The following OTULIN variants were observed in gnomAD, a reference collection of about 807,000 sequenced individuals.
OTULIN encodes ubiquitin thioesterase otulin.
OTULIN carries 15 observed loss-of-function variants against 39.6 expected under a neutral mutation model. The observed-to-expected ratio is 0.38, with a 90% CI of 0.25 to 0.58. The LOEUF (loss-of-function observed/expected upper bound fraction) is 0.58. Among genes scored for constraint, OTULIN ranks in the 20% least tolerant of loss-of-function variants. The pLI, the probability that OTULIN is intolerant of heterozygous loss-of-function variation, is 0.66. For synonymous variants in OTULIN, 156 were observed against 170.3 expected, an observed-to-expected ratio of 0.92 and a Z score of 0.65; for missense variants, 319 against 445.9, an observed-to-expected ratio of 0.72 and a Z score of 2.56.
In OTULIN at chr5:14,677,134, T is replaced by A. The variant is rs192670694; in HGVS notation, c.230-1547T>A. On this transcript the variant is annotated intron_variant, in intron 2 of 6. Coordinates refer to ENST00000284274, the MANE Select transcript of OTULIN (RefSeq NM_138348.6). The stretch of plus-strand genomic sequence containing the variant: ...AGTTCTTAAGAGTTTACTTAAAAAA[T>A]TTTTTTTTTAAATTTACCTAAACTG... Among the ~76,000 whole-genome samples, 1,415 of 151,380 alleles carry A rather than the reference T, an allele frequency of 9.3e-3. 19 individuals are homozygous for A. The highest frequency in any genetic ancestry group is 0.028 in the African/African-American group (1,166 of 41,270).
the OTULIN span, chr5:14,713,009 A>C: frequency 2.6e-5 from 42 of 1,589,798 alleles, no homozygotes; most frequent in East Asian, 8.8e-4. This position sits in a 1 kb window ranked among gnomAD's most constrained non-coding sequence, Gnocchi z 4.4. Flanking sequence ...TTGTCTGTTA[A>C]GGCCAAGTCA....
At chr5:14,678,609 C>A in intron 2 of OTULIN, 72 bp from the exon 3 acceptor site, 2 of 1,066,094 alleles carry the variant, frequency 1.9e-6, no homozygotes, top group South Asian at 3.6e-5. Flanking sequence ...AAGGGTAACC[C>A]CCAACTGAAG....
At chr5:14,702,930 T>A (rs1286761375), downstream of OTULIN, among the ~76,000 whole-genome samples, 1 of 152,210 alleles carries the variant, frequency 6.6e-6, no homozygotes, top group Non-Finnish European at 1.5e-5. Flanking sequence ...TGTTCATGGA[T>A]TTGTTGGCTG....
chr5:14,711,099 C>CAA, the OTULIN span: 8 of 1,135,410 alleles, frequency 7.0e-6, no homozygotes, highest in African/African-American at 4.6e-5. Context: ...CAAAACAAAA[C>CAA]AAAAAAAAGG....
At chr5:14,685,882 G>A (rs1273991715) in intron 4 of OTULIN, among the ~76,000 whole-genome samples, 2 of 152,198 alleles carry the variant, frequency 1.3e-5, no homozygotes, top group African/African-American at 4.8e-5. Context: ...GGCATGTGAG[G>A]TTCTTGTGAT....
downstream of OTULIN, among the ~76,000 whole-genome samples, chr5:14,699,943 T>C (rs1736764376): frequency 6.6e-6 from 1 of 152,222 alleles, no homozygotes; most frequent in Non-Finnish European, 1.5e-5. Flanking sequence ...CAAGTTGTCC[T>C]CTAAGTGGTG....
At chr5:14,711,095 A>C in the OTULIN span, 6 of 1,101,744 alleles carry the variant, frequency 5.4e-6, no homozygotes, top group Non-Finnish European at 7.0e-6. Context: ...TTACCAAAAC[A>C]AAACAAAAAA....
rs17363829 is a variant in OTULIN, at chr5:14,693,289, C to T, written c.*241C>T. 0.042 allele frequency: 16,712 copies of T among 396,862 alleles called. 425 individuals are homozygous for T. The highest frequency in any genetic ancestry group is 0.12 in the South Asian group (1,680 of 13,912). 24.6% of individuals were successfully genotyped at this position (396,862 alleles called of 1,614,324 possible). On this transcript the variant is annotated 3_prime_UTR_variant, in exon 7 of 7. Coordinates refer to ENST00000284274, the MANE Select transcript of OTULIN (RefSeq NM_138348.6). ...GGGCCTTCAGAGCACACCTGTTGGA[C>T]GGTGCAAACCATATCTTCTCCAGAA... is the stretch of plus-strand genomic sequence containing the variant.
chr5:14,704,531 T>C (rs1736884072), downstream of OTULIN, among the ~76,000 whole-genome samples: 1 of 152,076 alleles, frequency 6.6e-6, no homozygotes, highest in African/African-American at 2.4e-5. Context: ...GAGAAGCATT[T>C]TCATTACTGA....
At chr5:14,676,312 G>T (rs937780259) in intron 2 of OTULIN, among the ~76,000 whole-genome samples, 6 of 152,150 alleles carry the variant, frequency 3.9e-5, no homozygotes, top group African/African-American at 1.4e-4. Flanking sequence ...TGTGTAGTTT[G>T]CAACTAAAGA....
chr5:14,690,401 G>A lies in OTULIN; in HGVS notation c.864+93G>A. The A allele has an allele frequency of 5.5e-6, 8 of 1,455,850 alleles. No homozygotes were observed. The South Asian group carries it at 1.1e-4, about 20-fold the overall frequency. 90.2% of individuals were successfully genotyped at this position (1,455,850 alleles called of 1,614,324 possible). ...CAGTTTTTGTAGGTCAGAAATTCAG[G>A]GACAGCTTAGTTGGATGGTTCTGGC... On this transcript the variant is annotated intron_variant, in intron 6 of 6. Coordinates refer to ENST00000284274, the MANE Select transcript of OTULIN (RefSeq NM_138348.6). This position sits in a 1 kb window ranked among gnomAD's most constrained non-coding sequence, Gnocchi z 4.5.
intron 2 of OTULIN, among the ~76,000 whole-genome samples, chr5:14,676,881 T>C (rs190399089): frequency 6.6e-6 from 1 of 152,126 alleles, no homozygotes; most frequent in East Asian, 1.9e-4. Context: ...CAAAAAAATA[T>C]TTCTCGAATT....
rs1159278029 is a variant in OTULIN, at chr5:14,694,820, AAATT to A, written c.*1775_*1778del. On this transcript the variant is annotated 3_prime_UTR_variant, in exon 7 of 7. Coordinates refer to ENST00000284274, the MANE Select transcript of OTULIN (RefSeq NM_138348.6). ...TTGAATAAGAAGGTACCTAGAAGCC[AAATT>A]AAAGTAATAATGACTTCTTATTGGC... 1 of 152,702 alleles carries A rather than the reference AAATT, an allele frequency of 6.5e-6. No individual in the cohort carries two copies. Among genetic ancestry groups the A allele is most frequent in the Non-Finnish European group, 1.5e-5 (1 of 68,052 alleles). The allele number at this position is 152,702 out of a possible 1,614,324, so 9.5% of individuals were successfully genotyped here. A position where few individuals can be genotyped will look rare whatever the true frequency, so the allele number is the denominator to read the frequency against.
chr5:14,689,203 A>G (rs927875652), intron 5 of OTULIN, among the ~76,000 whole-genome samples: 2 of 152,216 alleles, frequency 1.3e-5, no homozygotes, highest in East Asian at 1.9e-4. Context: ...ATGATTGGCA[A>G]CTTGGTCTAG....
chr5:14,713,563 C>T, the OTULIN span: 35 of 1,614,054 alleles, frequency 2.2e-5, no homozygotes, highest in Non-Finnish European at 2.4e-5. The surrounding 1 kb of genome is among the most constrained non-coding windows in gnomAD (Gnocchi z 4.4). Flanking sequence ...GGTAGGACCA[C>T]GAGGCTGGCG....
At chr5:14,682,816 C>G (rs1736289252) in intron 4 of OTULIN, among the ~76,000 whole-genome samples, 1 of 152,118 alleles carries the variant, frequency 6.6e-6, no homozygotes, top group African/African-American at 2.4e-5. Context: ...AGTGACAGCC[C>G]CACCTTGAAC....
chr5:14,692,126 T>G (rs1384975200), intron 6 of OTULIN, among the ~76,000 whole-genome samples: 1 of 152,214 alleles, frequency 6.6e-6, no homozygotes, highest in East Asian at 1.9e-4. Flanking sequence ...GTGGAATTGC[T>G]TTAACATTTT....
chr5:14,713,478 T>G, the OTULIN span: 1 of 1,600,954 alleles, frequency 6.2e-7, no homozygotes, highest in African/African-American at 1.3e-5. This position sits in a 1 kb window ranked among gnomAD's most constrained non-coding sequence, Gnocchi z 4.4. Context: ...ATGTAGCTGT[T>G]AAACCTCTGG....
intron 3 of OTULIN, 65 bp downstream of exon 3, chr5:14,678,840 T>C (rs778290326): frequency 1.1e-4 from 118 of 1,071,698 alleles, no homozygotes; most frequent in Non-Finnish European, 1.5e-4. Flanking sequence ...GTTTAATATG[T>C]CATTTGATAT....
Sources: allele counts gnomAD v4.1 joint callset (sites outside exome capture counted in the v4.1 genomes callset), GRCh38; gene constraint gnomAD v4.1.1; non-coding constraint Gnocchi (gnomAD v3.1); transcripts MANE v1.5; gene names NCBI Gene and HGNC (gene_info 2026-07-23, HGNC 2026-07-21).